The following NXPE2 variants were observed in gnomAD, a reference collection of about 807,000 sequenced individuals.
NXPE2 encodes the protein neurexophilin and PC-esterase domain family member 2.
Under a neutral mutation model 34.4 loss-of-function variants are expected in NXPE2, and 34 were observed. The ratio of observed to expected loss-of-function variants is 0.99; its 90% confidence interval spans 0.75 to 1.31. NXPE2 has a LOEUF of 1.31. Ranked by LOEUF, NXPE2 falls within the 40% of genes most tolerant of loss-of-function variation. The pLI, the probability that NXPE2 is intolerant of heterozygous loss-of-function variation, is 0.00. For missense variants in NXPE2, 649 were observed against 672.5 expected (o/e 0.97, Z 0.39); for synonymous variants, 235 against 231.3 (o/e 1.02, Z -0.15).
At chr11:114,492,050 C>T in the NXPE2 span, among the ~76,000 whole-genome samples, 386 of 152,068 alleles carry the variant, frequency 2.5e-3, 19 homozygotes, top group East Asian at 0.059. Context: ...AGGAGATATA[C>T]CTAATGCTAA....
the NXPE2 span, among the ~76,000 whole-genome samples, chr11:114,714,719 A>G: frequency 6.6e-6 from 1 of 152,152 alleles, no homozygotes; most frequent in South Asian, 2.1e-4. Flanking sequence ...TAGCACCTGT[A>G]TATAGATAAA....
chr11:114,515,001 T>TAA, the NXPE2 span, among the ~76,000 whole-genome samples: 1 of 152,080 alleles, frequency 6.6e-6, no homozygotes. Context: ...TTCACCAACT[T>TAA]TTTTTATTTG....
At chr11:114,624,196 G>A in the NXPE2 span, among the ~76,000 whole-genome samples, 1 of 151,928 alleles carries the variant, frequency 6.6e-6, no homozygotes, top group Non-Finnish European at 1.5e-5. Context: ...TTGCCTCTAG[G>A]GTAACCACTG....
chr11:114,528,693 T>C, the NXPE2 span: 1 of 467,616 alleles, frequency 2.1e-6, no homozygotes, highest in Admixed American at 3.2e-5. Context: ...ACTCACACTT[T>C]GTTTCAAACC....
At chr11:114,734,336 G>A in the NXPE2 span, among the ~76,000 whole-genome samples, 1 of 152,124 alleles carries the variant, frequency 6.6e-6, no homozygotes, top group South Asian at 2.1e-4. Context: ...TTTGCTATAT[G>A]TCTTAGAAAA....
the NXPE2 span, among the ~76,000 whole-genome samples, chr11:114,623,553 C>T: frequency 4.6e-5 from 7 of 151,218 alleles, no homozygotes; most frequent in South Asian, 2.1e-4. Flanking sequence ...GCAGATAATA[C>T]GTATTGCCTC....
chr11:114,807,900 T>G, the NXPE2 span, among the ~76,000 whole-genome samples: 1 of 151,734 alleles, frequency 6.6e-6, no homozygotes, highest in East Asian at 1.9e-4. Flanking sequence ...ATTCTTTTCA[T>G]CACCACACCA....
chr11:114,561,543 A>T, the NXPE2 span, among the ~76,000 whole-genome samples: 1 of 152,200 alleles, frequency 6.6e-6, no homozygotes, highest in Non-Finnish European at 1.5e-5. Context: ...GACCAGTATT[A>T]GACTGAGTAC....
chr11:114,573,373 A>C, the NXPE2 span, among the ~76,000 whole-genome samples: 1 of 152,170 alleles, frequency 6.6e-6, no homozygotes, highest in Non-Finnish European at 1.5e-5. Context: ...GCTAATATTG[A>C]ATGTAAATGA....
At chr11:114,653,253 CA>C in the NXPE2 span, among the ~76,000 whole-genome samples, 1 of 152,090 alleles carries the variant, frequency 6.6e-6, no homozygotes, top group Non-Finnish European at 1.5e-5. Flanking sequence ...GCAATGTAAG[CA>C]AACATTATAA....
chr11:114,697,900 T>C (rs1951288999), intron 2 of NXPE2, 145 bp from the exon 3 acceptor site: 2 of 788,186 alleles, frequency 2.5e-6, no homozygotes, highest in Non-Finnish European at 1.9e-6. Flanking sequence ...TTTCTGAAGA[T>C]TCCATAACTG....
At chr11:114,704,614 G>T (rs1316620896) in intron 4 of NXPE2, among the ~76,000 whole-genome samples, 4 of 152,154 alleles carry the variant, frequency 2.6e-5, no homozygotes, top group South Asian at 4.1e-4. Flanking sequence ...TAAAGCAAAG[G>T]ACTTCCATTA....
At chr11:114,648,510 T>C in the NXPE2 span, among the ~76,000 whole-genome samples, 4 of 152,186 alleles carry the variant, frequency 2.6e-5, no homozygotes, top group Admixed American at 6.5e-5. Flanking sequence ...AGTCTACTAA[T>C]TTAAACGTTA....
At chr11:114,545,549 G>T in the NXPE2 span, among the ~76,000 whole-genome samples, 1 of 152,208 alleles carries the variant, frequency 6.6e-6, no homozygotes, top group Non-Finnish European at 1.5e-5. Context: ...ATCAATGGTT[G>T]CCAGAGATTT....
At chr11:114,632,179 A>G in the NXPE2 span, among the ~76,000 whole-genome samples, 33 of 131,512 alleles carry the variant, frequency 2.5e-4, no homozygotes, top group African/African-American at 8.2e-4. Context: ...TATAATATAT[A>G]ATAAATAAAT....
the NXPE2 span, among the ~76,000 whole-genome samples, chr11:114,803,483 T>A: frequency 2.0e-5 from 3 of 152,166 alleles, no homozygotes; most frequent in Admixed American, 2.0e-4. Flanking sequence ...AAGGCACTGG[T>A]GGTATCTGGT....
At chr11:114,631,351 T>A in the NXPE2 span, among the ~76,000 whole-genome samples, 6 of 151,670 alleles carry the variant, frequency 4.0e-5, no homozygotes, top group Non-Finnish European at 5.9e-5. Flanking sequence ...CCATAAAAAA[T>A]GATGAGTTCA....
At chr11:114,530,280 T>G in the NXPE2 span, 1 of 1,614,224 alleles carries the variant, frequency 6.2e-7, no homozygotes, top group Non-Finnish European at 8.5e-7. Flanking sequence ...CTTCATACAA[T>G]AGAAGGCTTC....
chr11:114,778,654 C>T, the NXPE2 span, among the ~76,000 whole-genome samples: 4 of 152,160 alleles, frequency 2.6e-5, no homozygotes, highest in Non-Finnish European at 5.9e-5. Flanking sequence ...CCAGGAGTCT[C>T]CCCCAGAGCA....
Sources: allele counts gnomAD v4.1 joint callset (sites outside exome capture counted in the v4.1 genomes callset), GRCh38; gene constraint gnomAD v4.1.1; transcripts MANE v1.5; gene names NCBI Gene and HGNC (gene_info 2026-07-23, HGNC 2026-07-21).